Variants in AHI1 observed in about 807,000 individuals in gnomAD.
The protein encoded by AHI1 is Abelson helper integration site 1.
In AHI1, 123 loss-of-function variants were observed where a neutral mutation model predicts 149.3. The ratio of observed to expected loss-of-function variants is 0.82; its 90% CI spans 0.71 to 0.96. The LOEUF is 0.96. Among genes scored for constraint, AHI1 ranks in the 40% least tolerant of loss-of-function variants. The pLI, the probability that AHI1 is intolerant of heterozygous loss-of-function variation, is 0.00. For missense variants in AHI1, 1,439 were observed against 1,422.7 expected (o/e 1.01, Z -0.18); for synonymous variants, 475 against 459.8 (o/e 1.03, Z -0.42).
chr6:135,411,249 A>C, intron 21 of AHI1, 99 bp downstream of exon 21: 1 of 1,165,092 alleles, frequency 8.6e-7, no homozygotes, highest in Non-Finnish European at 1.2e-6. Flanking sequence ...TCTAATTTTA[A>C]GTAATTAACT....
intron 18 of AHI1, among the ~76,000 whole-genome samples, 199 bp downstream of exon 18, chr6:135,429,683 G>C (rs1057268217): frequency 4.0e-5 from 6 of 151,166 alleles, no homozygotes; most frequent in African/African-American, 1.5e-4. Context: ...GCTGTAGGAT[G>C]CTTAGCAATA....
intron 14 of AHI1, among the ~76,000 whole-genome samples, chr6:135,439,960 A>T (rs1245102110): frequency 6.6e-6 from 1 of 152,192 alleles, no homozygotes; most frequent in Non-Finnish European, 1.5e-5. Context: ...AAAAATCAAC[A>T]TTCTCAGAAC....
chr6:135,347,895 C>A (rs1791474841), intron 24 of AHI1, among the ~76,000 whole-genome samples: 1 of 152,162 alleles, frequency 6.6e-6, no homozygotes, highest in Non-Finnish European at 1.5e-5. Context: ...AAGATAGTGC[C>A]AGCCAGAGAG....
intron 23 of AHI1, among the ~76,000 whole-genome samples, chr6:135,359,930 C>A (rs1793594045): frequency 6.6e-6 from 1 of 151,922 alleles, no homozygotes; most frequent in African/African-American, 2.4e-5. Context: ...TTTAGTGTTT[C>A]CATTTTAGGA....
chr6:135,480,886 A>G (rs1793515947), intron 5 of AHI1, among the ~76,000 whole-genome samples: 1 of 152,186 alleles, frequency 6.6e-6, no homozygotes, highest in Admixed American at 6.6e-5. Flanking sequence ...ATTACAAATG[A>G]CGCAGGCAAG....
intron 22 of AHI1, among the ~76,000 whole-genome samples, chr6:135,399,987 A>G (rs968179527): frequency 2.0e-5 from 3 of 152,018 alleles, no homozygotes; most frequent in African/African-American, 7.3e-5. Context: ...ATGGATTATT[A>G]CATCACACGG....
chr6:135,321,895 G>A (rs530942907), intron 25 of AHI1, among the ~76,000 whole-genome samples: 1 of 152,066 alleles, frequency 6.6e-6, no homozygotes, highest in African/African-American at 2.4e-5. Context: ...TCTGCCTCCC[G>A]GGTTCACGCG....
At chr6:135,357,043 A>C (rs924546474) in intron 24 of AHI1, among the ~76,000 whole-genome samples, 1 of 152,128 alleles carries the variant, frequency 6.6e-6, no homozygotes, top group Non-Finnish European at 1.5e-5. Context: ...GGTTCAAGCG[A>C]TTCCCCTGCC....
chr6:135,462,696 T>A (rs1790101997), intron 8 of AHI1, among the ~76,000 whole-genome samples: 1 of 151,890 alleles, frequency 6.6e-6, no homozygotes, highest in Admixed American at 6.6e-5. Context: ...AGGTCATGAG[T>A]TCGAGACCAG....
intron 24 of AHI1, among the ~76,000 whole-genome samples, chr6:135,325,027 ATTTT>A (rs35569285): frequency 1.5e-5 from 2 of 136,568 alleles, no homozygotes; most frequent in Admixed American, 7.3e-5. Context: ...ACAAATTACA[ATTTT>A]TTTTTTTTTT....
chr6:135,353,138 T>A (rs1792420176), intron 24 of AHI1, among the ~76,000 whole-genome samples: 1 of 152,130 alleles, frequency 6.6e-6, no homozygotes, highest in Non-Finnish European at 1.5e-5. Flanking sequence ...CTGATGTGCT[T>A]ATACTTAAAC....
chr6:135,489,375 A>C (rs866188891), intron 5 of AHI1, among the ~76,000 whole-genome samples: 1 of 152,140 alleles, frequency 6.6e-6, no homozygotes, highest in Non-Finnish European at 1.5e-5. Flanking sequence ...CCTTGGTCTA[A>C]ATTGCATTTT....
At chr6:135,463,493 G>A (rs1187741530) in intron 7 of AHI1, among the ~76,000 whole-genome samples, 187 bp from the exon 8 acceptor site, 1 of 151,586 alleles carries the variant, frequency 6.6e-6, no homozygotes, top group East Asian at 1.9e-4. Context: ...TATCATAGGT[G>A]GTATTTTATA....
chr6:135,311,092 A>G (rs1432481104), intron 26 of AHI1, among the ~76,000 whole-genome samples: 1 of 152,048 alleles, frequency 6.6e-6, no homozygotes, highest in Non-Finnish European at 1.5e-5. Flanking sequence ...ACTTGAGGCT[A>G]GGAGTTTGAG....
rs748256139 is a variant in AHI1, at chr6:135,453,303, A to G, written c.1440+38T>C. ...AGAAAGCAGCCAACTAAATTTGAAG[A>G]CTAGTTTTAAAGTGTTTAAAATGGA... On this transcript the variant is annotated intron_variant, in intron 11 of 28. Coordinates refer to ENST00000265602, the MANE Select transcript of AHI1 (RefSeq NM_001134831.2). 2.1e-6 allele frequency: 3 copies of G among 1,457,732 alleles called. No homozygotes were observed. In the Admixed American group the frequency reaches 5.9e-5, roughly 29 times the overall value. 90.3% of individuals were successfully genotyped at this position (1,457,732 alleles called of 1,614,324 possible). A position where few individuals can be genotyped will look rare whatever the true frequency, so the allele number is the denominator to read the frequency against.
At chr6:135,361,647 A>ACT (rs1346929041) in intron 23 of AHI1, among the ~76,000 whole-genome samples, 1 of 9,398 alleles carries the variant, frequency 1.1e-4, no homozygotes, top group Non-Finnish European at 1.8e-4. Flanking sequence ...GTATGGTTTC[A>ACT]CACACACACA....
intron 5 of AHI1, among the ~76,000 whole-genome samples, chr6:135,474,283 TA>T (rs1476431393): frequency 6.6e-6 from 1 of 152,216 alleles, no homozygotes; most frequent in Non-Finnish European, 1.5e-5. Context: ...CATTTGTGAA[TA>T]CACAGTTTAC....
chr6:135,306,137 T>A (rs907053451), intron 26 of AHI1, among the ~76,000 whole-genome samples: 1 of 152,226 alleles, frequency 6.6e-6, no homozygotes, highest in African/African-American at 2.4e-5. Context: ...TGTCTTCTAC[T>A]ACAGTGCACA....
intron 26 of AHI1, among the ~76,000 whole-genome samples, chr6:135,313,754 C>T (rs557416381): frequency 6.6e-6 from 1 of 152,284 alleles, no homozygotes; most frequent in South Asian, 2.1e-4. Flanking sequence ...CATAAGAACA[C>T]AGGCACATCA....
Sources: allele counts gnomAD v4.1 joint callset (sites outside exome capture counted in the v4.1 genomes callset), GRCh38; gene constraint gnomAD v4.1.1; transcripts MANE v1.5; gene names NCBI Gene and HGNC (gene_info 2026-07-23, HGNC 2026-07-21).